Variants in NCKAP5 observed in about 807,000 individuals in gnomAD.
NCKAP5 encodes the protein nck-associated protein 5.
In NCKAP5, 92 loss-of-function variants were observed where a neutral mutation model predicts 167.0. The observed-to-expected ratio is 0.55, with a 90% confidence interval of 0.47 to 0.66. The LOEUF is 0.66. Ranked by LOEUF, NCKAP5 falls within the 30% of genes least tolerant of loss-of-function variation. The probability of loss-of-function intolerance (pLI) is 0.00; values close to 1 mark genes in which losing one functional copy is unlikely to be tolerated. For synonymous variants in NCKAP5, 891 were observed against 877.4 expected (o/e 1.02, Z -0.27); for missense variants, 2,378 against 2,315.0 (o/e 1.03, Z -0.56).
intron 6 of NCKAP5, among the ~76,000 whole-genome samples, chr2:133,091,697 C>G (rs2081190425): frequency 6.6e-6 from 1 of 152,100 alleles, no homozygotes; most frequent in Non-Finnish European, 1.5e-5. Context: ...ACCATCCTGA[C>G]TAACACGGTG....
intron 6 of NCKAP5, among the ~76,000 whole-genome samples, chr2:133,011,962 T>A (rs1175727977): frequency 6.6e-6 from 1 of 152,074 alleles, no homozygotes; most frequent in East Asian, 1.9e-4. Flanking sequence ...TTGCTTCCAT[T>A]CTCTCTTTTC....
chr2:133,108,342 C>A (rs1345393834), intron 6 of NCKAP5, among the ~76,000 whole-genome samples: 3 of 152,238 alleles, frequency 2.0e-5, no homozygotes, highest in East Asian at 3.9e-4. Flanking sequence ...CAGGATAGCA[C>A]CTCTCTTTTT....
chr2:133,621,046 G>T, the NCKAP5 span, among the ~76,000 whole-genome samples: 40,092 of 151,922 alleles, frequency 0.26, 8,178 homozygotes, highest in African/African-American at 0.55. Flanking sequence ...GAAATCAAGA[G>T]GAAAGTTAAA....
intron 16 of NCKAP5, among the ~76,000 whole-genome samples, chr2:132,737,353 C>T (rs1455696073): frequency 6.6e-6 from 1 of 152,116 alleles, no homozygotes; most frequent in African/African-American, 2.4e-5. Flanking sequence ...CTCCTAGAAG[C>T]AAATACAGGA....
the NCKAP5 span, among the ~76,000 whole-genome samples, chr2:133,650,555 C>A: frequency 6.6e-6 from 1 of 152,098 alleles, no homozygotes; most frequent in African/African-American, 2.4e-5. Context: ...TAAATCCACA[C>A]ATATGGGGTC....
At chr2:132,764,664 T>C (rs138173919) in intron 16 of NCKAP5, among the ~76,000 whole-genome samples, 110 of 152,352 alleles carry the variant, frequency 7.2e-4, no homozygotes, top group Non-Finnish European at 1.1e-3. Context: ...AGTCTGATAG[T>C]AGCCAATAAA....
chr2:132,813,731 A>C lies in NCKAP5; in HGVS notation c.808-17002T>G, dbSNP rs184809711. 1.4e-3 allele frequency among the ~76,000 whole-genome samples: 215 copies of C among 152,322 alleles called. 1 individual carries two copies. Among genetic ancestry groups the C allele is most frequent in the African/African-American group, 4.9e-3 (204 of 41,576 alleles). Reference sequence around the variant, plus strand: ...TCAAACTATTATCACTTAACTTTGGAAGATAACCTCCAAAGAAGGGAAAAT... The same window carrying C: ...TCAAACTATTATCACTTAACTTTGGCAGATAACCTCCAAAGAAGGGAAAAT... On this transcript the variant is annotated intron_variant, in intron 11 of 19. Coordinates refer to ENST00000409261, the MANE Select transcript of NCKAP5 (RefSeq NM_207363.3).
chr2:133,328,416 G>T (rs1682603327), intron 3 of NCKAP5, among the ~76,000 whole-genome samples: 3 of 152,196 alleles, frequency 2.0e-5, no homozygotes, highest in Admixed American at 2.0e-4. Flanking sequence ...AGAATCAAGA[G>T]ATTTAAAACT....
the NCKAP5 span, among the ~76,000 whole-genome samples, chr2:133,664,775 T>C: frequency 6.6e-6 from 1 of 152,150 alleles, no homozygotes; most frequent in African/African-American, 2.4e-5. Flanking sequence ...TGAGATTACA[T>C]ATGTGAGCCA....
chr2:133,132,778 A>G (rs943808316), intron 5 of NCKAP5, among the ~76,000 whole-genome samples: 2 of 150,180 alleles, frequency 1.3e-5, no homozygotes, highest in Middle Eastern at 3.5e-3. Context: ...CCAGGTTCAC[A>G]CTATTCTCCT....
At chr2:133,494,646 A>G (rs1271781900) in intron 3 of NCKAP5, among the ~76,000 whole-genome samples, 2 of 152,148 alleles carry the variant, frequency 1.3e-5, no homozygotes, top group African/African-American at 4.8e-5. Flanking sequence ...CCTCCTCTCT[A>G]TGGAAATCGG....
chr2:132,915,255 T>G (rs893405230), intron 8 of NCKAP5, among the ~76,000 whole-genome samples: 1 of 151,966 alleles, frequency 6.6e-6, no homozygotes, highest in Non-Finnish European at 1.5e-5. Flanking sequence ...TGGCATACTG[T>G]GCAGAGCTGT....
At chr2:132,985,307 G>A (rs936189327) in intron 7 of NCKAP5, among the ~76,000 whole-genome samples, 1 of 152,030 alleles carries the variant, frequency 6.6e-6, no homozygotes, top group South Asian at 2.1e-4. Context: ...TTTAAATTCC[G>A]GAGAAGAATG....
intron 4 of NCKAP5, among the ~76,000 whole-genome samples, chr2:133,235,960 T>C (rs187191537): frequency 2.7e-5 from 4 of 148,482 alleles, no homozygotes; most frequent in South Asian, 4.3e-4. Flanking sequence ...CCAGTTACTC[T>C]ATAGGCTGAG....
intron 18 of NCKAP5, 125 bp downstream of exon 18, chr2:132,728,691 T>G: frequency 7.8e-7 from 1 of 1,284,706 alleles, no homozygotes; most frequent in Non-Finnish European, 1.1e-6. Flanking sequence ...CCTTGGTTTA[T>G]ATTCAGTAAA....
At chr2:133,522,164 G>A (rs776656155) in intron 2 of NCKAP5, among the ~76,000 whole-genome samples, 2 of 152,150 alleles carry the variant, frequency 1.3e-5, no homozygotes, top group Non-Finnish European at 2.9e-5. Flanking sequence ...TCCAGCTCTA[G>A]CAGAACAGCA....
intron 16 of NCKAP5, among the ~76,000 whole-genome samples, chr2:132,750,924 C>T (rs978939172): frequency 2.0e-5 from 3 of 152,158 alleles, no homozygotes; most frequent in African/African-American, 7.2e-5. Flanking sequence ...CCTGTGGGGT[C>T]CTGAGGATTG....
intron 16 of NCKAP5, among the ~76,000 whole-genome samples, chr2:132,745,689 A>T (rs1455308291): frequency 6.6e-6 from 1 of 152,010 alleles, no homozygotes; most frequent in Non-Finnish European, 1.5e-5. Flanking sequence ...ATAATTGTGT[A>T]TGTAGAATAC....
chr2:133,202,647 G>C (rs28868868), intron 5 of NCKAP5, among the ~76,000 whole-genome samples: 18,447 of 151,788 alleles, frequency 0.12, 1,451 homozygotes, highest in African/African-American at 0.22. Flanking sequence ...ATCTGACAAA[G>C]GGCTAATATC....
Sources: allele counts gnomAD v4.1 joint callset (sites outside exome capture counted in the v4.1 genomes callset), GRCh38; gene constraint gnomAD v4.1.1; transcripts MANE v1.5; gene names NCBI Gene and HGNC (gene_info 2026-07-23, HGNC 2026-07-21).